RABGAP1L: variants seen among roughly 807,000 people sequenced by gnomAD.
The protein encoded by RABGAP1L is RAB GTPase activating protein 1 like, also known as rab GTPase-activating protein 1-like.
RABGAP1L carries 63 observed loss-of-function variants against 137.7 expected under a neutral mutation model. The observed-to-expected ratio is 0.46, with a 90% confidence interval of 0.37 to 0.56. RABGAP1L has a LOEUF of 0.56. RABGAP1L is among the 20% of genes least tolerant of loss of function. The probability of loss-of-function intolerance (pLI) is 0.00; values close to 1 mark genes in which losing one functional copy is unlikely to be tolerated. For missense variants in RABGAP1L, 1,095 were observed against 1,244.0 expected, an observed-to-expected ratio of 0.88 and a Z score of 1.80; for synonymous variants, 431 against 433.7, an observed-to-expected ratio of 0.99 and a Z score of 0.08.
intron 19 of RABGAP1L, among the ~76,000 whole-genome samples, chr1:174,927,288 C>T (rs1053721755): frequency 6.6e-6 from 1 of 152,146 alleles, no homozygotes; most frequent in Non-Finnish European, 1.5e-5. Context: ...ATTACTTTTG[C>T]ACCAACCTAG....
chr1:174,744,090 TAAAAAAAAAAAAAAA>T (rs10694829), intron 17 of RABGAP1L, among the ~76,000 whole-genome samples: 1 of 45,128 alleles, frequency 2.2e-5, no homozygotes, highest in African/African-American at 8.8e-5. Flanking sequence ...GTGAAATACG[TAAAAAAAAAAAAAAA>T]AAAAAAAAAA....
chr1:174,252,720 CT>C, intron 7 of RABGAP1L, 130 bp downstream of exon 7: 1 of 1,335,250 alleles, frequency 7.5e-7, no homozygotes, highest in South Asian at 1.6e-5. Flanking sequence ...ATTAATAATA[CT>C]TTCTCTACTT....
rs182830586 is a variant in RABGAP1L, at chr1:174,544,338, C to T, written c.1711-93037C>T. Reference sequence around the variant, plus strand: ...CTAAACTTCTCTTCTTGCTTCATTTCATTCATTTGATCTTCAATCACTGAT... The same window carrying T: ...CTAAACTTCTCTTCTTGCTTCATTTTATTCATTTGATCTTCAATCACTGAT... On this transcript the variant is annotated intron_variant, in intron 13 of 25. Coordinates refer to ENST00000681986, the MANE Select transcript of RABGAP1L (RefSeq NM_001366446.1). Among the ~76,000 whole-genome samples the T allele has an allele frequency of 9.0e-3, 1,370 of 152,170 alleles. 24 individuals are homozygous for T. The highest frequency in any genetic ancestry group is 0.032 in the African/African-American group (1,321 of 41,490).
At chr1:174,533,981 T>C (rs1437340436) in intron 13 of RABGAP1L, among the ~76,000 whole-genome samples, 1 of 152,106 alleles carries the variant, frequency 6.6e-6, no homozygotes, top group Admixed American at 6.6e-5. Context: ...CCACAAAATA[T>C]GTGTTAATCA....
chr1:174,417,362 A>G (rs1262368266), intron 13 of RABGAP1L, among the ~76,000 whole-genome samples: 1 of 152,240 alleles, frequency 6.6e-6, no homozygotes, highest in Non-Finnish European at 1.5e-5. Context: ...ATGCTGCATT[A>G]CAGTCTAATG....
intron 13 of RABGAP1L, chr1:174,548,354 C>T (rs981268731): frequency 2.8e-6 from 3 of 1,082,254 alleles, no homozygotes; most frequent in Non-Finnish European, 3.4e-6. Context: ...TGCTCTATTA[C>T]CCTTACTTTA....
chr1:174,350,276 G>C (rs1683013752), intron 11 of RABGAP1L, among the ~76,000 whole-genome samples: 4 of 117,612 alleles, frequency 3.4e-5, no homozygotes, highest in Non-Finnish European at 7.4e-5. Context: ...CGGGCGGAGA[G>C]GCTCCTCACT....
chr1:174,627,373 A>G (rs74126859), intron 13 of RABGAP1L, among the ~76,000 whole-genome samples: 1,806 of 152,340 alleles, frequency 0.012, 50 homozygotes, highest in African/African-American at 0.042. Flanking sequence ...TCAATGCTGC[A>G]TTCATTTCTT....
intron 13 of RABGAP1L, among the ~76,000 whole-genome samples, chr1:174,631,778 T>TG (rs1448045688): frequency 4.0e-5 from 6 of 150,038 alleles, no homozygotes; most frequent in African/African-American, 1.2e-4. Context: ...ATTTTGAGCC[T>TG]ATGTATGTCT....
At chr1:174,410,834 A>G (rs187550932) in intron 13 of RABGAP1L, among the ~76,000 whole-genome samples, 1 of 152,306 alleles carries the variant, frequency 6.6e-6, no homozygotes. Context: ...TTTGGGCAGT[A>G]TGGCCACTTT....
intron 18 of RABGAP1L, among the ~76,000 whole-genome samples, chr1:174,791,244 G>A (rs982163572): frequency 3.3e-5 from 5 of 151,446 alleles, no homozygotes; most frequent in Non-Finnish European, 5.9e-5. Flanking sequence ...TATTAATTTT[G>A]TAGAAATAAA....
Position 174,339,667 on chromosome 1 carries a change from C to A in RABGAP1L, c.1466-31312C>A, listed in dbSNP as rs187506811. Among the ~76,000 whole-genome samples, 13 of 151,882 alleles carry A rather than the reference C, an allele frequency of 8.6e-5. No individual in the cohort carries two copies. The East Asian group carries it at 2.5e-3, about 29-fold the overall frequency. On this transcript the variant is annotated intron_variant, in intron 11 of 25. Coordinates refer to ENST00000681986, the MANE Select transcript of RABGAP1L (RefSeq NM_001366446.1). ...TATTGCCCAGGCTGGAGTGCAGTGG[C>A]GTGATCTCAGCTCACTGCAACCTCT...
At chr1:174,556,534 G>C (rs185593893) in intron 13 of RABGAP1L, among the ~76,000 whole-genome samples, 1 of 152,246 alleles carries the variant, frequency 6.6e-6, no homozygotes, top group Admixed American at 6.5e-5. Flanking sequence ...TTTATCAAAT[G>C]GTTGTACTGG....
rs574752247 is a variant in RABGAP1L, at chr1:174,621,189, C to G, written c.1711-16186C>G. On this transcript the variant is annotated intron_variant, in intron 13 of 25. Coordinates refer to ENST00000681986, the MANE Select transcript of RABGAP1L (RefSeq NM_001366446.1). ...TCAAGGAGAACTACAAACCACTGCT[C>G]AAGGAAATAAAAGAGGATACAAACA... is the stretch of plus-strand genomic sequence containing the variant. Among the ~76,000 whole-genome samples the G allele has an allele frequency of 9.9e-5, 15 of 152,142 alleles. 1 individual carries two copies. The highest frequency in any genetic ancestry group is 5.2e-4 in the Admixed American group (8 of 15,288).
At chr1:174,970,436 A>C (rs191000800) in intron 21 of RABGAP1L, among the ~76,000 whole-genome samples, 16 of 152,338 alleles carry the variant, frequency 1.1e-4, no homozygotes, top group Admixed American at 8.5e-4. Flanking sequence ...AACAATTTTT[A>C]AACAGTTGGA....
chr1:174,577,443 A>G (rs1289405825), intron 13 of RABGAP1L, among the ~76,000 whole-genome samples: 1 of 152,044 alleles, frequency 6.6e-6, no homozygotes, highest in Admixed American at 6.6e-5. Flanking sequence ...ACACCTATAA[A>G]GTGCTTAGAA....
chr1:174,885,809 T>C (rs551357845), intron 19 of RABGAP1L, among the ~76,000 whole-genome samples: 2 of 151,832 alleles, frequency 1.3e-5, no homozygotes, highest in East Asian at 4.0e-4. Context: ...CCACTAAAAA[T>C]ACAAAAAATT....
In RABGAP1L at chr1:174,173,648, C is replaced by T. The variant is rs186713011; in HGVS notation, c.-34+13991C>T. Among the ~76,000 whole-genome samples the T allele has an allele frequency of 1.3e-3, 189 of 150,984 alleles. 1 individual carries two copies. Among genetic ancestry groups the T allele is most frequent in the African/African-American group, 4.5e-3 (184 of 41,080 alleles). On this transcript the variant is annotated intron_variant, in intron 1 of 25. Transcript: ENST00000681986. ...TTATACAGTTGGTTTCATTCTCTGT[C>T]GTTTTTTTTTCAACAAGTATTTATT...
intron 13 of RABGAP1L, among the ~76,000 whole-genome samples, chr1:174,490,658 C>T (rs1660133441): frequency 6.6e-6 from 1 of 152,146 alleles, no homozygotes; most frequent in African/African-American, 2.4e-5. Flanking sequence ...TTTTTCCTTT[C>T]AGGGTAGTGA....
Sources: allele counts gnomAD v4.1 joint callset (sites outside exome capture counted in the v4.1 genomes callset), GRCh38; gene constraint gnomAD v4.1.1; transcripts MANE v1.5; gene names NCBI Gene and HGNC (gene_info 2026-07-23, HGNC 2026-07-21).